Variants in OLFM3 observed in about 807,000 individuals in gnomAD.
OLFM3 encodes noelin-3.
A neutral mutation model predicts 48.6 loss-of-function variants in OLFM3; 20 were observed. That is an observed-to-expected ratio of 0.41 (90% confidence interval 0.29 to 0.60). The LOEUF is 0.60. Among genes scored for constraint, OLFM3 ranks in the 20% least tolerant of loss-of-function variants. The pLI is 0.28. For synonymous variants in OLFM3, 222 were observed against 198.1 expected (o/e 1.12, Z -1.01); for missense variants, 437 against 544.3 (o/e 0.80, Z 1.96).
At chr1:101,986,049 T>C (rs1053674708) in intron 1 of OLFM3, among the ~76,000 whole-genome samples, 3 of 149,824 alleles carry the variant, frequency 2.0e-5, no homozygotes, top group African/African-American at 7.4e-5. Flanking sequence ...CACTGCAAGC[T>C]CCGCCTCCCG....
intron 1 of OLFM3, among the ~76,000 whole-genome samples, chr1:101,960,163 G>T: frequency 6.6e-6 from 1 of 152,262 alleles, no homozygotes; most frequent in Admixed American, 6.5e-5. Context: ...AAAAACAGTG[G>T]TTGGTACCTA....
intron 1 of OLFM3, among the ~76,000 whole-genome samples, chr1:101,873,911 T>G (rs1223369259): frequency 2.0e-5 from 3 of 151,904 alleles, no homozygotes; most frequent in Non-Finnish European, 4.4e-5. Flanking sequence ...CTCCAAAAAT[T>G]TACATTTTAT....
At chr1:101,899,397 G>A (rs1294246727) in intron 1 of OLFM3, among the ~76,000 whole-genome samples, 1 of 152,134 alleles carries the variant, frequency 6.6e-6, no homozygotes, top group African/African-American at 2.4e-5. Context: ...GGGAGAGGAG[G>A]GGCAAGACTG....
At chr1:101,918,743 A>G (rs11164335) in intron 1 of OLFM3, among the ~76,000 whole-genome samples, 65,661 of 151,752 alleles carry the variant, frequency 0.43, 14,308 homozygotes, top group East Asian at 0.59. Flanking sequence ...CTTTTATTAG[A>G]GGTGGCATTC....
At chr1:101,927,596 T>C (rs1659311187) in intron 1 of OLFM3, among the ~76,000 whole-genome samples, 1 of 151,828 alleles carries the variant, frequency 6.6e-6, no homozygotes, top group Non-Finnish European at 1.5e-5. Context: ...CCTCCTTACT[T>C]TAAAGCCAAG....
chr1:101,867,433 C>G (rs17125624), intron 1 of OLFM3, among the ~76,000 whole-genome samples: 17,420 of 152,078 alleles, frequency 0.11, 1,087 homozygotes, highest in Non-Finnish European at 0.13. Flanking sequence ...GGATTGTTAC[C>G]TTCCTTGTCA....
At chr1:101,939,094 A>G (rs1270647290) in intron 1 of OLFM3, among the ~76,000 whole-genome samples, 4 of 152,188 alleles carry the variant, frequency 2.6e-5, no homozygotes, top group Non-Finnish European at 4.4e-5. Context: ...TCCATAAAAA[A>G]CATTCATTAG....
intron 1 of OLFM3, among the ~76,000 whole-genome samples, chr1:101,837,275 C>T (rs10493972): frequency 0.15 from 22,680 of 152,118 alleles, 2,103 homozygotes; most frequent in Non-Finnish European, 0.22. Context: ...TGATTTTGAT[C>T]TCATACTATT....
At chr1:101,881,533 T>C (rs368581457) in intron 1 of OLFM3, among the ~76,000 whole-genome samples, 1 of 151,948 alleles carries the variant, frequency 6.6e-6, no homozygotes, top group East Asian at 1.9e-4. Flanking sequence ...TCAGTGCTTA[T>C]TTTTTAAACT....
chr1:101,888,578 A>T (rs1462950083), intron 1 of OLFM3, among the ~76,000 whole-genome samples: 1 of 152,188 alleles, frequency 6.6e-6, no homozygotes, highest in Non-Finnish European at 1.5e-5. Context: ...TCCATTCAGG[A>T]CATAGGCATG....
chr1:101,856,113 T>C (rs1656400012), intron 1 of OLFM3, among the ~76,000 whole-genome samples: 1 of 151,984 alleles, frequency 6.6e-6, no homozygotes. Context: ...TGTAGCAGCA[T>C]AGTTACACTG....
chr1:101,955,273 TA>T (rs1364097013), intron 1 of OLFM3, among the ~76,000 whole-genome samples: 1 of 152,002 alleles, frequency 6.6e-6, no homozygotes, highest in East Asian at 1.9e-4. Flanking sequence ...AGACAGACAT[TA>T]ATCACATTTT....
intron 1 of OLFM3, 149 bp downstream of exon 1, chr1:101,996,599 T>C (rs1661565397): frequency 5.3e-6 from 4 of 747,768 alleles, no homozygotes; most frequent in South Asian, 5.0e-5. Flanking sequence ...CACCTTGTTA[T>C]GTTCCAAGCA....
intron 4 of OLFM3, among the ~76,000 whole-genome samples, chr1:101,811,103 G>A (rs1654025756): frequency 6.6e-6 from 1 of 151,930 alleles, no homozygotes; most frequent in Non-Finnish European, 1.5e-5. Flanking sequence ...GATCTCAGAA[G>A]TCAGTTGAGT....
rs569170792 is a variant in OLFM3, at chr1:101,859,420, C to T, written c.70-22395G>A. On this transcript the variant is annotated intron_variant, in intron 1 of 5. Coordinates refer to ENST00000370103, the MANE Select transcript of OLFM3 (RefSeq NM_058170.4). Reference sequence around the variant, plus strand: ...AGACTGGGGAAGAATAAGACATGGGCTAGGCACATTACACAGGATTTTGTG... The same window carrying T: ...AGACTGGGGAAGAATAAGACATGGGTTAGGCACATTACACAGGATTTTGTG... Among the ~76,000 whole-genome samples, 21 of 152,050 alleles carry T rather than the reference C, an allele frequency of 1.4e-4. No individual in the cohort carries two copies. In the South Asian group the frequency reaches 4.4e-3, roughly 32 times the overall value.
rs551611406 is a variant in OLFM3, at chr1:101,884,503, CA to C, written c.70-47479del. On this transcript the variant is annotated intron_variant, in intron 1 of 5. Coordinates refer to ENST00000370103, the MANE Select transcript of OLFM3 (RefSeq NM_058170.4). ...AAAAACAAAAACAAAAACAAACAAA[CA>C]AAAAAAAACAGACAAAAAATGCCAC... 6.3e-3 allele frequency among the ~76,000 whole-genome samples: 937 copies of C among 148,932 alleles called. 13 individuals are homozygous for C. The highest frequency in any genetic ancestry group is 0.022 in the African/African-American group (888 of 40,588).
chr1:101,957,239 A>G (rs941663905), intron 1 of OLFM3, among the ~76,000 whole-genome samples: 2 of 152,116 alleles, frequency 1.3e-5, no homozygotes, highest in East Asian at 1.9e-4. Context: ...AGTCAGTCTC[A>G]TATCTATATG....
intron 3 of OLFM3, among the ~76,000 whole-genome samples, chr1:101,828,267 T>C (rs1251930865): frequency 6.6e-6 from 1 of 152,202 alleles, no homozygotes; most frequent in African/African-American, 2.4e-5. Flanking sequence ...CCAGTTTCCT[T>C]ATCTTTAAAA....
At chr1:101,924,277 A>G (rs1442731670) in intron 1 of OLFM3, among the ~76,000 whole-genome samples, 1 of 152,180 alleles carries the variant, frequency 6.6e-6, no homozygotes, top group Non-Finnish European at 1.5e-5. Flanking sequence ...GTACGTTTGC[A>G]TGGAAGCCAA....
Sources: gnomAD v4.1 joint callset for allele counts (sites outside exome capture counted in the v4.1 genomes callset) on GRCh38, gnomAD v4.1.1 for gene constraint, MANE v1.5 for transcripts, NCBI Gene and HGNC (gene_info 2026-07-23, HGNC 2026-07-21) for gene names.